ITPRID2: variants seen among roughly 807,000 people sequenced by gnomAD.
ITPRID2 encodes ITPR interacting domain containing 2, also known as protein ITPRID2.
In ITPRID2, 60 loss-of-function variants were observed where a neutral mutation model predicts 124.3. The observed-to-expected ratio is 0.48, with a 90% CI of 0.39 to 0.60. ITPRID2 has a LOEUF of 0.60. ITPRID2 is among the 20% of genes least tolerant of loss of function. ITPRID2 has a pLI of 0.00. For missense variants in ITPRID2, 1,553 were observed against 1,512.2 expected (o/e 1.03, Z -0.45); for synonymous variants, 521 against 542.9 (o/e 0.96, Z 0.56).
chr2:181,909,963 C>T lies in ITPRID2; in HGVS notation c.1478C>T (p.Ser493Leu), dbSNP rs371783691. The change falls in exon 9 of 18, where the codon TCG becomes TTG. Residue 493 changes from serine to leucine, a missense_variant. Physicochemically the swap from Ser to Leu is moderately radical, Grantham distance 145. Transcript: ENST00000431877. ...ACTTACCAGCTAGGTCTTACGAAGT[C>T]GAAAAGAGGTAAGTGGACCAGTATC... is the stretch of plus-strand genomic sequence containing the variant. Reference protein sequence around the residue: ...PATYQLGLTKSKRDHLLRTAS... With the variant: ...PATYQLGLTKLKRDHLLRTAS... 1.1e-5 allele frequency: 17 copies of T among 1,612,102 alleles called. 1 individual carries two copies. The highest frequency in any genetic ancestry group is 3.3e-4 in the Middle Eastern group (2 of 6,076).
Position 181,916,794 on chromosome 2 carries a change from C to T in ITPRID2, c.2787+367C>T, listed in dbSNP as rs1336012759. The T allele has an allele frequency of 3.0e-6, 3 of 999,144 alleles. No individual in the cohort carries two copies. In the African/African-American group the frequency reaches 5.2e-5, roughly 17 times the overall value. The allele number at this position is 999,144 out of a possible 1,614,324, so 61.9% of individuals were successfully genotyped here. On this transcript the variant is annotated intron_variant, in intron 11 of 17. Transcript: ENST00000431877. Reference sequence around the variant, plus strand: ...CCCTCTTAAAGTTCTTTCTCTCTTTCTCTCTGCTATTTGAACATGTTGACT... The same window carrying T: ...CCCTCTTAAAGTTCTTTCTCTCTTTTTCTCTGCTATTTGAACATGTTGACT...
rs186665581 is a variant in ITPRID2, at chr2:181,905,195, A to G, written c.1413+2729A>G. ...TTCCTGAGTAGCTGGGATTACAGGC[A>G]CATACCACCACAGCCAGCTAATTTT... On this transcript the variant is annotated intron_variant, in intron 8 of 17. Transcript: ENST00000431877. The surrounding 1 kb of genome is among the most constrained non-coding windows in gnomAD (Gnocchi z 4.1). 1.1e-3 allele frequency among the ~76,000 whole-genome samples: 163 copies of G among 151,738 alleles called. 2 individuals are homozygous for G. The highest frequency in any genetic ancestry group is 6.2e-4 in the Non-Finnish European group (42 of 67,916).
rs1223207177 is a variant in ITPRID2 at position 181,905,678 on chromosome 2, A to C, written c.1413+3212A>C. 6.6e-6 allele frequency among the ~76,000 whole-genome samples: 1 copy of C among 152,196 alleles called. No homozygotes were observed. The highest frequency in any genetic ancestry group is 2.4e-5 in the African/African-American group (1 of 41,450). On this transcript the variant is annotated intron_variant, in intron 8 of 17. Transcript: ENST00000431877. This position sits in a 1 kb window ranked among gnomAD's most constrained non-coding sequence, Gnocchi z 4.1. ...ATAACCATTATTGGATATACACATA[A>C]TCTTTTTTAAGCTACTGATGTGTTA... is the stretch of plus-strand genomic sequence containing the variant.
intron 8 of ITPRID2, among the ~76,000 whole-genome samples, chr2:181,908,094 G>C (rs1366395504): frequency 1.3e-5 from 2 of 152,136 alleles, no homozygotes; most frequent in Non-Finnish European, 2.9e-5. Flanking sequence ...GAGCAGCCGG[G>C]TGCGGCGGCT....
At position 181,916,034 on chromosome 2, in the gene ITPRID2, G is replaced by T; in HGVS notation, c.2394G>T (p.Ser798=). 1 of 1,614,104 alleles carries T rather than the reference G, an allele frequency of 6.2e-7. No individual in the cohort carries two copies. The highest frequency in any genetic ancestry group is 1.3e-5 in the African/African-American group (1 of 75,036). The change falls in exon 11 of 18, where the codon TCG becomes TCT. Residue 798 remains serine (S), a synonymous_variant. Coordinates refer to ENST00000431877, the MANE Select transcript of ITPRID2 (RefSeq NM_001130445.3). ...MEHDGQSLVK[S]TIFISPSSVK... ...ATGATGGTCAGTCTTTAGTTAAATC[G>T]ACCATTTTCATCTCTCCATCATCTG...
Position 181,896,047 on chromosome 2 carries a change from C to T in ITPRID2, c.275C>T (p.Ser92Leu), listed in dbSNP as rs755397993. 6.2e-7 allele frequency: 1 copy of T among 1,612,892 alleles called. No individual in the cohort carries two copies. The highest frequency in any genetic ancestry group is 8.5e-7 in the Non-Finnish European group (1 of 1,179,026). Residue 92 changes from serine to leucine, a missense_variant, in exon 3 of 18, where the codon TCA (serine) becomes TTA (leucine). Coordinates refer to ENST00000431877, the MANE Select transcript of ITPRID2 (RefSeq NM_001130445.3). This position sits in a 1 kb window ranked among gnomAD's most constrained non-coding sequence, Gnocchi z 4.3. ...LKDCRTPLGA[S>L]LDEQSSSTLK... is the part of the protein sequence containing the mutation. The stretch of plus-strand genomic sequence containing the variant: ...GGTTTCAGTACACCTTTGGGAGCCT[C>T]ACTGGATGAACAAAGCAGTAGTACA...
rs1194294147 is a variant in ITPRID2, at chr2:181,901,819, T to A, written c.766T>A (p.Leu256Ile). The A allele has an allele frequency of 6.2e-7, 1 of 1,613,692 alleles. No individual in the cohort carries two copies. The highest frequency in any genetic ancestry group is 1.1e-5 in the South Asian group (1 of 90,998). ...LTTVANAFSS[L>I]YSQVSGTPLQ... ...TACTGTGGCCAATGCGTTTTCTTCT[T>A]TATATTCTCAAGTCTCCGGGACGCC... The change falls in exon 8 of 18, where the codon TTA becomes ATA. Residue 256 changes from leucine to isoleucine, a missense_variant. Leu to Ile is a conservative substitution (Grantham distance 5, BLOSUM62 2). Coordinates refer to ENST00000431877, the MANE Select transcript of ITPRID2 (RefSeq NM_001130445.3).
At position 181,902,608 on chromosome 2, in the gene ITPRID2, C is replaced by T; in HGVS notation, c.1413+142C>T. 3 of 646,042 alleles carry T rather than the reference C, an allele frequency of 4.6e-6. No individual in the cohort carries two copies. The highest frequency in any genetic ancestry group is 7.5e-6 in the Non-Finnish European group (3 of 400,828). The allele number at this position is 646,042 out of a possible 1,614,324, so 40.0% of individuals were successfully genotyped here. The stretch of plus-strand genomic sequence containing the variant: ...TTTGACTTTCCAGGTTTATGTTTCA[C>T]AAACCAAGAATTGGTCTCAGGATAA... On this transcript the variant is annotated intron_variant, in intron 8 of 17. Coordinates refer to ENST00000431877, the MANE Select transcript of ITPRID2 (RefSeq NM_001130445.3). The surrounding 1 kb of genome is among the most constrained non-coding windows in gnomAD (Gnocchi z 4.4).
In ITPRID2 at chr2:181,927,835, GTCCT is replaced by G. The variant is rs1694974409; in HGVS notation, c.3676-322_3676-319del. On this transcript the variant is annotated intron_variant, in intron 16 of 17. Transcript: ENST00000431877. ...AGACAATACTAAAAACATTTAAGAA[GTCCT>G]TCCAGATTATTTTTTTGACATGAGG... Among the ~76,000 whole-genome samples, 6 of 152,318 alleles carry G rather than the reference GTCCT, an allele frequency of 3.9e-5. No homozygotes were observed. The South Asian group carries it at 1.0e-3, about 26-fold the overall frequency.
rs201400062 is a variant in ITPRID2, at chr2:181,921,951, A to G, written c.3214A>G (p.Thr1072Ala). Residue 1072 changes from threonine to alanine, a missense_variant, in exon 16 of 18, where the codon ACT becomes GCT. Transcript: ENST00000431877. Reference protein sequence around the residue: ...PSPLNVMEPVTELMQEQSYLK... With the variant: ...PSPLNVMEPVAELMQEQSYLK... The stretch of plus-strand genomic sequence containing the variant: ...AACATTTTTTTATGATCTCCAGGTC[A>G]CTGAACTGATGCAGGAGCAGTCATA... 9.3e-6 allele frequency: 15 copies of G among 1,613,582 alleles called. No individual in the cohort carries two copies. Among genetic ancestry groups the G allele is most frequent in the Non-Finnish European group, 1.2e-5 (14 of 1,179,694 alleles).
chr2:181,895,217 G>A (rs1692086205), intron 2 of ITPRID2, among the ~76,000 whole-genome samples: 1 of 151,884 alleles, frequency 6.6e-6, no homozygotes, highest in African/African-American at 2.4e-5. Context: ...CTGAAGAAAG[G>A]TGTGCATCAC....
In ITPRID2 at chr2:181,892,698, TC is replaced by T. The variant is rs757747147; in HGVS notation, c.257+40del. 1.7e-5 allele frequency: 28 copies of T among 1,612,774 alleles called. No homozygotes were observed. Among genetic ancestry groups the T allele is most frequent in the Non-Finnish European group, 2.4e-5 (28 of 1,179,358 alleles). On this transcript the variant is annotated intron_variant, in intron 2 of 17. Transcript: ENST00000431877. This position sits in a 1 kb window ranked among gnomAD's most constrained non-coding sequence, Gnocchi z 5.2. ...TGGTCCGCCCGCGTCCCGGGGGAGA[TC>T]CGTGCGGACGGGACGCCGGAGCAGA...
chr2:181,895,727 TTCTC>T (rs899458002), intron 2 of ITPRID2, among the ~76,000 whole-genome samples: 1 of 152,060 alleles, frequency 6.6e-6, no homozygotes, highest in Non-Finnish European at 1.5e-5. Context: ...TTGTCAGTCA[TTCTC>T]TCTTTTTTGC....
intron 16 of ITPRID2, among the ~76,000 whole-genome samples, chr2:181,926,969 TG>T (rs1694914927): frequency 6.6e-6 from 1 of 152,232 alleles, no homozygotes; most frequent in Admixed American, 6.5e-5. Context: ...TCTGAAGTGC[TG>T]TGTGCTTCAG....
rs1038800646 is a variant in ITPRID2, at chr2:181,894,791, T to A, written c.258-1239T>A. The A allele has an allele frequency of 3.3e-5, 5 of 152,094 alleles. No individual in the cohort carries two copies. In the East Asian group the frequency reaches 9.6e-4, roughly 29 times the overall value. The allele number at this position is 152,094 out of a possible 1,614,324, so 9.4% of individuals were successfully genotyped here. ...AAATGGTAGAGATTTTGATAGAATTTGGAAGGGAGCAACTATAAAAGTAAG... is the reference window on the plus strand; with the variant it reads ...AAATGGTAGAGATTTTGATAGAATTAGGAAGGGAGCAACTATAAAAGTAAG... On this transcript the variant is annotated intron_variant, in intron 2 of 17. Transcript: ENST00000431877.
rs1400892948 is a variant in ITPRID2 at position 181,892,268 on chromosome 2, G to C, written c.202G>C (p.Gly68Arg). ...DLPGAQLPAA[G>R]GRGNVPNEKI... ...CCCCGGCGCGCAGCTGCCGGCAGCG[G>C]GGGGAAGAGGTCGGTGCTCCCGGCC... Residue 68 changes from glycine to arginine, a missense_variant, in exon 1 of 18, where the codon GGG becomes CGG. Physicochemically the swap from Gly to Arg is moderately radical, Grantham distance 125. Coordinates refer to ENST00000431877, the MANE Select transcript of ITPRID2 (RefSeq NM_001130445.3). This position sits in a 1 kb window ranked among gnomAD's most constrained non-coding sequence, Gnocchi z 5.2. 24 of 1,547,606 alleles carry C rather than the reference G, an allele frequency of 1.6e-5. No individual in the cohort carries two copies. Among genetic ancestry groups the C allele is most frequent in the Non-Finnish European group, 2.0e-5 (23 of 1,145,830 alleles).
intron 16 of ITPRID2, among the ~76,000 whole-genome samples, chr2:181,926,043 G>C (rs1433184906): frequency 6.6e-6 from 1 of 152,070 alleles, no homozygotes; most frequent in Admixed American, 6.5e-5. Context: ...GGAGGCCGAG[G>C]TGGGCGGATC....
In ITPRID2 at chr2:181,919,289, C is replaced by G; in HGVS notation, c.2994-7C>G. 4 of 1,613,798 alleles carry G rather than the reference C, an allele frequency of 2.5e-6. No individual in the cohort carries two copies. The highest frequency in any genetic ancestry group is 3.4e-6 in the Non-Finnish European group (4 of 1,179,990). On this transcript the variant is annotated splice_polypyrimidine_tract_variant and splice_region_variant and intron_variant, in intron 13 of 17. Coordinates refer to ENST00000431877, the MANE Select transcript of ITPRID2 (RefSeq NM_001130445.3). This position sits in a 1 kb window ranked among gnomAD's most constrained non-coding sequence, Gnocchi z 4.2. ...TTCCAATTTTGTGCCCTTCACCATA[C>G]CAATAGGTTTGAAGTTGATCAGCTC... is the stretch of plus-strand genomic sequence containing the variant.
At position 181,900,686 on chromosome 2, in the gene ITPRID2, TTTTTTGTAGTG is replaced by T. The variant is rs1352915851; in HGVS notation, c.504-6_508del. On this transcript the variant is annotated splice_acceptor_variant and splice_polypyrimidine_tract_variant and coding_sequence_variant and intron_variant, in exon 7 of 18. Coordinates refer to ENST00000431877, the MANE Select transcript of ITPRID2 (RefSeq NM_001130445.3). LOFTEE classifies it high-confidence loss of function. ...TTTCATGTTTCCTTTTTTGCCCCCTTTTTTTGTAGTGTTTCAGAATTGTTGGAACTTTATGA... is the reference window on the plus strand; with the variant it reads ...TTTCATGTTTCCTTTTTTGCCCCCTTTTTCAGAATTGTTGGAACTTTATGA... The T allele has an allele frequency of 3.8e-6, 6 of 1,586,874 alleles. No homozygotes were observed. The Admixed American group carries it at 5.4e-5, about 14-fold the overall frequency.
Sources: allele counts gnomAD v4.1 joint callset (sites outside exome capture counted in the v4.1 genomes callset), GRCh38; gene constraint gnomAD v4.1.1; non-coding constraint Gnocchi (gnomAD v3.1); transcripts MANE v1.5; gene names NCBI Gene and HGNC (gene_info 2026-07-23, HGNC 2026-07-21).